The following WDR76 variants were observed in gnomAD, a reference collection of about 807,000 sequenced individuals.
WDR76 encodes WD repeat domain 76, also known as WD repeat-containing protein 76.
WDR76 carries 52 observed loss-of-function variants against 70.2 expected under a neutral mutation model. The ratio of observed to expected loss-of-function variants is 0.74; its 90% confidence interval spans 0.59 to 0.93. The LOEUF (loss-of-function observed/expected upper bound fraction) is 0.93, where lower values mean the gene tolerates loss of function less well. Among genes scored for constraint, WDR76 ranks in the 40% least tolerant of loss-of-function variants. The pLI is 0.00. For synonymous variants in WDR76, 292 were observed against 271.1 expected (o/e 1.08, Z -0.76); for missense variants, 756 against 760.2 (o/e 0.99, Z 0.07).
rs116811864 is a variant in WDR76 at position 43,849,457 on chromosome 15, C to T, written c.1033-1630C>T. Among the ~76,000 whole-genome samples, 555 of 152,092 alleles carry T rather than the reference C, an allele frequency of 3.6e-3. 4 individuals carry two copies. Among genetic ancestry groups the T allele is most frequent in the African/African-American group, 0.013 (530 of 41,496 alleles). ...TAAAAAAGGACCATGCTGTATATGC[C>T]GTTTTAAATCACATTAAATTTAACT... On this transcript the variant is annotated intron_variant, in intron 8 of 12. Coordinates refer to ENST00000263795, the MANE Select transcript of WDR76 (RefSeq NM_024908.4).
chr15:43,861,222 C>A, intron 11 of WDR76, 111 bp from the exon 12 acceptor site: 1 of 917,922 alleles, frequency 1.1e-6, no homozygotes, highest in Non-Finnish European at 1.7e-6. Flanking sequence ...TTTTAAGTGA[C>A]AGTTATATAT....
chr15:43,827,922 C>T (rs1486438619), intron 1 of WDR76, 43 bp from the exon 2 acceptor site: 2 of 1,524,826 alleles, frequency 1.3e-6, no homozygotes, highest in Non-Finnish European at 1.8e-6. Context: ...AGGCACAGGA[C>T]TTGGAGTTCT....
At chr15:43,845,621 C>T (rs1178480752) in intron 8 of WDR76, among the ~76,000 whole-genome samples, 1 of 150,362 alleles carries the variant, frequency 6.7e-6, no homozygotes, top group African/African-American at 2.4e-5. Flanking sequence ...CCCAAATGGA[C>T]TAAGAAACAG....
chr15:43,851,575 TTTC>T (rs2087860519), intron 9 of WDR76, among the ~76,000 whole-genome samples: 1 of 152,222 alleles, frequency 6.6e-6, no homozygotes, highest in African/African-American at 2.4e-5. Context: ...GCTTGTTAAA[TTTC>T]TTTTTTTTTT....
Position 43,866,621 on chromosome 15 carries a change from A to ATTTT in WDR76, c.*229_*230insTTTT. The ATTTT allele has an allele frequency of 3.6e-6, 1 of 275,250 alleles. No individual in the cohort carries two copies. The highest frequency in any genetic ancestry group is 6.0e-6 in the Non-Finnish European group (1 of 165,804). 17.1% of individuals were successfully genotyped at this position (275,250 alleles called of 1,614,324 possible). ...GAGGGGAGGCTGAGGTGCCGTCAGG[A>ATTTT]CTTTTTTTTTTTTTTTTTTTTTGAG... is the stretch of plus-strand genomic sequence containing the variant. On this transcript the variant is annotated 3_prime_UTR_variant, in exon 13 of 13. Transcript: ENST00000263795.
chr15:43,866,094 C>T, intron 12 of WDR76, 34 bp from the exon 13 acceptor site: 1 of 1,608,772 alleles, frequency 6.2e-7, no homozygotes, highest in Non-Finnish European at 8.5e-7. Context: ...TTTAACCTTA[C>T]TTCATTTAAA....
chr15:43,845,023 G>A (rs570839394), intron 8 of WDR76, among the ~76,000 whole-genome samples: 12 of 138,902 alleles, frequency 8.6e-5, no homozygotes, highest in African/African-American at 3.0e-4. Flanking sequence ...GTGCAGTGGT[G>A]TGATCTCGGC....
At chr15:43,856,868 C>G in intron 9 of WDR76, 78 bp from the exon 10 acceptor site, 1 of 1,319,886 alleles carries the variant, frequency 7.6e-7, no homozygotes, top group East Asian at 2.4e-5. Flanking sequence ...TTTTATAACC[C>G]TTTTACCAAA....
Position 43,827,040 on chromosome 15 carries a change from G to T in WDR76, c.8G>T (p.Arg3Met). 6.2e-7 allele frequency: 1 copy of T among 1,614,086 alleles called. No individual in the cohort carries two copies. The highest frequency in any genetic ancestry group is 8.5e-7 in the Non-Finnish European group (1 of 1,180,034). The change falls in exon 1 of 13, where the codon AGG becomes ATG. Residue 3 changes from arginine to methionine, a missense_variant. By Grantham distance (91) the Arg-to-Met change is moderately conservative. Coordinates refer to ENST00000263795, the MANE Select transcript of WDR76 (RefSeq NM_024908.4). Reference sequence around the variant, plus strand: ...CCGCTAAGAAGCCGAAAGATGTCCAGGTCGGGCGCGGCGGCTGAGAAGGCG... The same window carrying T: ...CCGCTAAGAAGCCGAAAGATGTCCATGTCGGGCGCGGCGGCTGAGAAGGCG... MS[R>M]SGAAAEKADS...
chr15:43,848,222 A>G (rs2087812454), intron 8 of WDR76, among the ~76,000 whole-genome samples: 1 of 152,170 alleles, frequency 6.6e-6, no homozygotes, highest in Admixed American at 6.6e-5. Context: ...CTGGATTGAC[A>G]GAGTGAGACC....
chr15:43,842,383 C>G (rs771429764), intron 5 of WDR76, 32 bp from the exon 6 acceptor site: 3 of 1,597,536 alleles, frequency 1.9e-6, no homozygotes, highest in Non-Finnish European at 2.6e-6. Flanking sequence ...GGGCAGGGAG[C>G]CCAACAAATA....
intron 11 of WDR76, 88 bp from the exon 12 acceptor site, chr15:43,861,245 A>G (rs2087993788): frequency 8.9e-7 from 1 of 1,127,556 alleles, no homozygotes; most frequent in South Asian, 1.3e-5. Flanking sequence ...CATACCATGA[A>G]TTAATGAGAA....
intron 11 of WDR76, 46 bp downstream of exon 11, chr15:43,858,869 A>G (rs762855768): frequency 4.4e-6 from 7 of 1,588,132 alleles, no homozygotes; most frequent in Non-Finnish European, 1.7e-6. Context: ...TAAAGAGTCT[A>G]TAGCTACTGT....
At chr15:43,856,605 T>C (rs1382773596) in intron 9 of WDR76, among the ~76,000 whole-genome samples, 1 of 145,926 alleles carries the variant, frequency 6.9e-6, no homozygotes, top group Non-Finnish European at 1.5e-5. Context: ...TTTTGTTTCT[T>C]TTTTTTTTTT....
At chr15:43,858,331 T>C (rs915531618) in intron 10 of WDR76, among the ~76,000 whole-genome samples, 7 of 151,758 alleles carry the variant, frequency 4.6e-5, no homozygotes, top group African/African-American at 1.7e-4. Flanking sequence ...CTCGGCTCAC[T>C]GCAACCTCCG....
At chr15:43,860,187 G>C (rs913066391) in intron 11 of WDR76, among the ~76,000 whole-genome samples, 3 of 152,188 alleles carry the variant, frequency 2.0e-5, no homozygotes, top group African/African-American at 4.8e-5. Context: ...TGAGGCTTTA[G>C]TGAGCTGTGA....
chr15:43,850,400 ATTC>A (rs1356968700), intron 8 of WDR76, among the ~76,000 whole-genome samples: 1 of 151,890 alleles, frequency 6.6e-6, no homozygotes, highest in African/African-American at 2.4e-5. Context: ...GATTCATGCC[ATTC>A]TCCTGCCTCA....
chr15:43,838,913 G>A (rs1323074514), intron 4 of WDR76, among the ~76,000 whole-genome samples: 1 of 152,102 alleles, frequency 6.6e-6, no homozygotes, highest in Non-Finnish European at 1.5e-5. Context: ...GTTGACTACA[G>A]TTTTTAGTAT....
chr15:43,834,664 C>G (rs1231198079), intron 2 of WDR76, among the ~76,000 whole-genome samples: 1 of 152,028 alleles, frequency 6.6e-6, no homozygotes, highest in Non-Finnish European at 1.5e-5. Flanking sequence ...CCAGGTTGGT[C>G]TTGAACTCCA....
Sources: gnomAD v4.1 joint callset for allele counts (sites outside exome capture counted in the v4.1 genomes callset) on GRCh38, gnomAD v4.1.1 for gene constraint, MANE v1.5 for transcripts, NCBI Gene and HGNC (gene_info 2026-07-23, HGNC 2026-07-21) for gene names.